SLC8A1: variants seen among roughly 807,000 people sequenced by gnomAD.
The protein encoded by SLC8A1 is sodium/calcium exchanger 1.
SLC8A1 carries 18 observed loss-of-function variants against 68.3 expected under a neutral mutation model. That is an observed-to-expected ratio of 0.26 (90% CI 0.18 to 0.39). The LOEUF (loss-of-function observed/expected upper bound fraction) is 0.39. Among genes scored for constraint, SLC8A1 ranks in the 10% least tolerant of loss-of-function variants. SLC8A1 has a pLI of 1.00. For missense variants in SLC8A1, 985 were observed against 1,156.7 expected, an observed-to-expected ratio of 0.85 and a Z score of 2.15; for synonymous variants, 475 against 415.5, an observed-to-expected ratio of 1.14 and a Z score of -1.74.
intron 2 of SLC8A1, among the ~76,000 whole-genome samples, chr2:40,191,728 G>A (rs1039465268): frequency 3.9e-5 from 6 of 152,152 alleles, no homozygotes. Flanking sequence ...TGTGCCCATT[G>A]ATTGTAGACG....
chr2:40,437,624 T>C (rs1400121724), intron 1 of SLC8A1, among the ~76,000 whole-genome samples: 1 of 152,114 alleles, frequency 6.6e-6, no homozygotes, highest in African/African-American at 2.4e-5. Context: ...AGAATGTTGC[T>C]ATAACAAGTA....
rs1006341941 is a variant in SLC8A1 at position 40,174,732 on chromosome 2, G to C, written c.1930+93C>G. ...AAACAGGTATTTTCCTTCATTAAAA[G>C]CAAATAAAAATGAGAAATTTTTTTT... is the stretch of plus-strand genomic sequence containing the variant. On this transcript the variant is annotated intron_variant, in intron 4 of 7. Coordinates refer to ENST00000406785, the Ensembl canonical transcript of SLC8A1. 1 of 1,550,708 alleles carries C rather than the reference G, an allele frequency of 6.4e-7. No homozygotes were observed. Among genetic ancestry groups the C allele is most frequent in the Non-Finnish European group, 8.8e-7 (1 of 1,130,820 alleles).
intron 2 of SLC8A1, among the ~76,000 whole-genome samples, chr2:40,372,503 C>A (rs923489885): frequency 1.3e-5 from 2 of 152,136 alleles, no homozygotes; most frequent in African/African-American, 4.8e-5. Flanking sequence ...TGGCAAACAT[C>A]AAAAACAACT....
chr2:40,498,331 T>G (rs1475688143), intron 1 of SLC8A1, among the ~76,000 whole-genome samples: 3 of 152,118 alleles, frequency 2.0e-5, no homozygotes, highest in Non-Finnish European at 4.4e-5. Context: ...TCAGACATTT[T>G]GCAAAAGTAA....
upstream of SLC8A1, among the ~76,000 whole-genome samples, chr2:40,454,328 G>C (rs1488487904): frequency 2.6e-5 from 4 of 152,194 alleles, no homozygotes; most frequent in Admixed American, 2.0e-4. Flanking sequence ...AATAGATTTT[G>C]TGGAAAGAGT....
intron 1 of SLC8A1, among the ~76,000 whole-genome samples, chr2:40,460,875 A>G (rs1576612791): frequency 7.5e-6 from 1 of 133,684 alleles, no homozygotes. Context: ...ACCTGACTAT[A>G]AGGATTTTTC....
intron 1 of SLC8A1, among the ~76,000 whole-genome samples, chr2:40,480,769 G>C (rs1019106752): frequency 6.6e-6 from 1 of 152,098 alleles, no homozygotes; most frequent in Non-Finnish European, 1.5e-5. Context: ...ACATATTGTC[G>C]AGAATGAATG....
intron 1 of SLC8A1, among the ~76,000 whole-genome samples, chr2:40,441,564 A>G (rs753162121): frequency 6.6e-6 from 1 of 151,054 alleles, no homozygotes; most frequent in Non-Finnish European, 1.5e-5. Context: ...GTACCAAAAC[A>G]GACATTATAG....
At chr2:40,457,179 G>C (rs1479859085) in intron 1 of SLC8A1, among the ~76,000 whole-genome samples, 1 of 152,024 alleles carries the variant, frequency 6.6e-6, no homozygotes, top group African/African-American at 2.4e-5. Flanking sequence ...TTTTTCTGTA[G>C]GGCGTAAACT....
chr2:40,318,768 G>A (rs1220206156), intron 2 of SLC8A1, among the ~76,000 whole-genome samples: 1 of 152,040 alleles, frequency 6.6e-6, no homozygotes, highest in African/African-American at 2.4e-5. Context: ...TTAGGACTCC[G>A]GAAGTTACAC....
chr2:40,199,274 C>A (rs1406731811), intron 2 of SLC8A1, among the ~76,000 whole-genome samples: 2 of 151,764 alleles, frequency 1.3e-5, no homozygotes, highest in African/African-American at 4.8e-5. Context: ...GGACACTGCT[C>A]ACCTTGTGAG....
intron 2 of SLC8A1, among the ~76,000 whole-genome samples, chr2:40,337,484 A>C (rs531061435): frequency 6.6e-6 from 1 of 152,322 alleles, no homozygotes; most frequent in South Asian, 2.1e-4. Context: ...CAAGAAAAAC[A>C]ACAAACCACT....
intron 2 of SLC8A1, among the ~76,000 whole-genome samples, chr2:40,420,527 A>G (rs1252145421): frequency 1.3e-5 from 2 of 152,212 alleles, no homozygotes; most frequent in East Asian, 3.8e-4. Flanking sequence ...AGGGAAATAA[A>G]TATTGTGTGA....
intron 1 of SLC8A1, chr2:40,446,514 C>G (rs1027304279): frequency 1.3e-5 from 2 of 152,204 alleles, no homozygotes; most frequent in African/African-American, 4.8e-5. Flanking sequence ...AATTAAAATG[C>G]TTCCTCCTCC....
At chr2:40,163,341 G>C (rs1197412171) in intron 5 of SLC8A1, among the ~76,000 whole-genome samples, 2 of 152,130 alleles carry the variant, frequency 1.3e-5, no homozygotes, top group African/African-American at 4.8e-5. Flanking sequence ...ATCCCATAAG[G>C]GAGAGAACAC....
At chr2:40,183,690 T>C (rs1319959133) in intron 2 of SLC8A1, among the ~76,000 whole-genome samples, 1 of 152,194 alleles carries the variant, frequency 6.6e-6, no homozygotes, top group East Asian at 1.9e-4. Flanking sequence ...GACAATGGGT[T>C]CTTGTTATTA....
intron 2 of SLC8A1, among the ~76,000 whole-genome samples, chr2:40,425,136 G>A (rs1278373704): frequency 6.6e-6 from 1 of 151,768 alleles, no homozygotes; most frequent in Non-Finnish European, 1.5e-5. Context: ...TTATAAAAAA[G>A]CATGTGCTAG....
At chr2:40,219,482 T>C (rs2057993827) in intron 2 of SLC8A1, among the ~76,000 whole-genome samples, 1 of 152,190 alleles carries the variant, frequency 6.6e-6, no homozygotes, top group African/African-American at 2.4e-5. Context: ...CATTAGATAT[T>C]TTGTGCCCAA....
intron 7 of SLC8A1, 99 bp downstream of exon 10, chr2:40,139,302 G>T: frequency 7.4e-7 from 1 of 1,346,476 alleles, no homozygotes; most frequent in Non-Finnish European, 1.0e-6. Flanking sequence ...CATAGGTCTT[G>T]GTTTGTTATC....
Sources: allele counts gnomAD v4.1 joint callset (sites outside exome capture counted in the v4.1 genomes callset), GRCh38; gene constraint gnomAD v4.1.1; transcripts MANE v1.5; gene names NCBI Gene and HGNC (gene_info 2026-07-23, HGNC 2026-07-21).